Variants in SMYD4 observed in about 807,000 individuals in gnomAD.
SMYD4 encodes SET and MYND domain containing 4, also known as protein-lysine N-methyltransferase SMYD4.
SMYD4 carries 68 observed loss-of-function variants against 72.8 expected under a neutral mutation model. The ratio of observed to expected loss-of-function variants is 0.93; its 90% CI spans 0.77 to 1.14. The LOEUF (loss-of-function observed/expected upper bound fraction) is 1.14, where lower values mean the gene tolerates loss of function less well. Ranked by LOEUF, SMYD4 falls within the 50% of genes most tolerant of loss-of-function variation. The pLI is 0.00. For missense variants in SMYD4, 984 were observed against 1,003.7 expected, an observed-to-expected ratio of 0.98 and a Z score of 0.27; for synonymous variants, 407 against 388.6, an observed-to-expected ratio of 1.05 and a Z score of -0.56.
intron 5 of SMYD4, among the ~76,000 whole-genome samples, chr17:1,797,232 C>T (rs1057308468): frequency 6.6e-6 from 1 of 152,206 alleles, no homozygotes; most frequent in African/African-American, 2.4e-5. Flanking sequence ...ATTCATCTGT[C>T]TATAAAAACT....
rs2151238700 is a variant in SMYD4 at position 1,804,632 on chromosome 17, C to G, written c.363G>C (p.Gln121His). Residue 121 changes from glutamine to histidine, a missense_variant, in exon 4 of 11, where the codon CAG (glutamine) becomes CAC (histidine). By Grantham distance (24) the Gln-to-His change is conservative. Transcript: ENST00000305513. Reference protein sequence around the residue: ...NRSAALFHLGQYETCLKDINR... With the variant: ...NRSAALFHLGHYETCLKDINR... ...CAGGTATCCTGATACTCACCTCATA[C>G]TGACCCAGGTGGAAGAGGGCTGCCG... The G allele has an allele frequency of 6.2e-7, 1 of 1,613,470 alleles. No individual in the cohort carries two copies. The highest frequency in any genetic ancestry group is 1.1e-5 in the South Asian group (1 of 91,054).
intron 2 of SMYD4, among the ~76,000 whole-genome samples, chr17:1,819,981 T>A (rs1047161650): frequency 6.6e-6 from 1 of 152,008 alleles, no homozygotes; most frequent in African/African-American, 2.4e-5. Flanking sequence ...AGAGATGGGG[T>A]TTTGCCATGT....
At chr17:1,807,038 A>AGG in intron 3 of SMYD4, among the ~76,000 whole-genome samples, 9 of 151,920 alleles carry the variant, frequency 5.9e-5, no homozygotes, top group African/African-American at 1.9e-4. Flanking sequence ...TTACAGGCAC[A>AGG]CGCCACCATG....
At position 1,800,531 on chromosome 17, in the gene SMYD4, C is replaced by A; in HGVS notation, c.863G>T (p.Arg288Ile). Residue 288 changes from arginine to isoleucine, a missense_variant, in exon 5 of 11, where the codon AGA becomes ATA. By Grantham distance (97) the Arg-to-Ile change is moderately conservative. Transcript: ENST00000305513. The stretch of plus-strand genomic sequence containing the variant: ...ACAATAGAGGTCCCCATTGGTGACT[C>A]TGGTGTCCCATTTGCTGTCTAGGCC... ...HHGLDSKWDT[R>I]VTNGDLYCHR... 9 of 1,614,188 alleles carry A rather than the reference C, an allele frequency of 5.6e-6. No individual in the cohort carries two copies. Among genetic ancestry groups the A allele is most frequent in the Non-Finnish European group, 7.6e-6 (9 of 1,180,034 alleles).
chr17:1,811,864 T>C, intron 3 of SMYD4, 107 bp downstream of exon 3: 1 of 1,247,744 alleles, frequency 8.0e-7, no homozygotes, highest in South Asian at 1.5e-5. Flanking sequence ...GAGGCGAATG[T>C]TGCAGTGAGC....
At chr17:1,813,956 A>G (rs1204720307) in intron 2 of SMYD4, among the ~76,000 whole-genome samples, 1 of 152,220 alleles carries the variant, frequency 6.6e-6, no homozygotes, top group Non-Finnish European at 1.5e-5. Flanking sequence ...AAGTAGAAAC[A>G]CAAATGACAT....
intron 2 of SMYD4, among the ~76,000 whole-genome samples, chr17:1,816,463 AC>A (rs1274878139): frequency 6.6e-6 from 1 of 151,762 alleles, no homozygotes; most frequent in Non-Finnish European, 1.5e-5. Context: ...TACCAAAAAT[AC>A]AAAAAAGTAG....
intron 2 of SMYD4, among the ~76,000 whole-genome samples, chr17:1,813,894 CCTAGA>C (rs905912020): frequency 2.0e-4 from 31 of 152,058 alleles, no homozygotes; most frequent in East Asian, 7.7e-4. Flanking sequence ...TATAGAATAA[CCTAGA>C]CTATTCTCTT....
intron 2 of SMYD4, among the ~76,000 whole-genome samples, chr17:1,817,942 G>A (rs1220996091): frequency 6.6e-6 from 1 of 151,554 alleles, no homozygotes; most frequent in Admixed American, 6.6e-5. Context: ...AGCTACTCGG[G>A]AGGCTGAGGC....
intron 7 of SMYD4, among the ~76,000 whole-genome samples, chr17:1,786,570 A>G (rs1170795803): frequency 2.0e-5 from 3 of 152,196 alleles, no homozygotes; most frequent in African/African-American, 7.2e-5. Flanking sequence ...TCTCCCCCAG[A>G]TCCCAAACCA....
intron 2 of SMYD4, among the ~76,000 whole-genome samples, chr17:1,822,156 C>A (rs145269332): frequency 3.9e-5 from 6 of 151,984 alleles, no homozygotes; most frequent in African/African-American, 1.4e-4. Flanking sequence ...ATCACTTGAA[C>A]CTGGGAGGCA....
At position 1,783,396 on chromosome 17, in the gene SMYD4, T is replaced by TCTCTCCCACCACGGC. The variant is rs552302955; in HGVS notation, c.2086_2100dup (p.Ala696_Glu700dup). 20 of 1,612,562 alleles carry TCTCTCCCACCACGGC rather than the reference T, an allele frequency of 1.2e-5. No homozygotes were observed. The South Asian group carries it at 1.9e-4, about 15-fold the overall frequency. On this transcript the variant is annotated inframe_insertion, in exon 9 of 11. Transcript: ENST00000305513. ...CAGGCCCGGGCCAGGCCATCCGCGA[T>TCTCTCCCACCACGGC]CTCTCCCACCACGGCGTGCTCTGCC...
chr17:1,816,893 C>A (rs1479427052), intron 2 of SMYD4, among the ~76,000 whole-genome samples: 1 of 151,786 alleles, frequency 6.6e-6, no homozygotes, highest in Non-Finnish European at 1.5e-5. Context: ...AAGTCCTTTG[C>A]CTATTTTTAA....
At chr17:1,804,182 T>C (rs191483987) in intron 4 of SMYD4, among the ~76,000 whole-genome samples, 256 of 151,262 alleles carry the variant, frequency 1.7e-3, no homozygotes, top group African/African-American at 6.0e-3. Context: ...GCCTAGTACA[T>C]TTTTTTGAGA....
intron 3 of SMYD4, among the ~76,000 whole-genome samples, chr17:1,806,765 T>G (rs1910054953): frequency 6.6e-6 from 1 of 152,212 alleles, no homozygotes; most frequent in Non-Finnish European, 1.5e-5. Context: ...GTCAAAATTC[T>G]ATATGTATGT....
chr17:1,821,429 G>A (rs929380554), intron 2 of SMYD4, among the ~76,000 whole-genome samples: 2 of 152,016 alleles, frequency 1.3e-5, no homozygotes, highest in Non-Finnish European at 2.9e-5. Flanking sequence ...CAGGAGAATC[G>A]CTTCAACCCA....
intron 2 of SMYD4, among the ~76,000 whole-genome samples, chr17:1,820,319 A>G (rs1567788253): frequency 6.6e-6 from 1 of 151,906 alleles, no homozygotes; most frequent in African/African-American, 2.4e-5. Flanking sequence ...AGCTCACGAC[A>G]GCCTCGACAT....
At chr17:1,808,270 G>C (rs1053229434) in intron 3 of SMYD4, among the ~76,000 whole-genome samples, 5 of 152,180 alleles carry the variant, frequency 3.3e-5, no homozygotes, top group Admixed American at 1.3e-4. Context: ...CTCTGTCATG[G>C]AACACTAAGC....
intron 2 of SMYD4, among the ~76,000 whole-genome samples, chr17:1,825,743 T>C (rs9906153): frequency 6.6e-6 from 1 of 151,632 alleles, no homozygotes; most frequent in Admixed American, 6.6e-5. Context: ...GCTCAAGCAA[T>C]CCTCTCACCT....
Sources: allele counts gnomAD v4.1 joint callset (sites outside exome capture counted in the v4.1 genomes callset), GRCh38; gene constraint gnomAD v4.1.1; transcripts MANE v1.5; gene names NCBI Gene and HGNC (gene_info 2026-07-23, HGNC 2026-07-21).